The following NRG1 variants were observed in gnomAD, a reference collection of about 807,000 sequenced individuals.
NRG1 encodes neuregulin 1.
NRG1 carries 18 observed loss-of-function variants against 63.8 expected under a neutral mutation model. The observed-to-expected ratio is 0.28, with a 90% CI of 0.19 to 0.42. NRG1 has a LOEUF of 0.42. Ranked by LOEUF, NRG1 falls within the 10% of genes least tolerant of loss-of-function variation. The pLI is 1.00. For missense variants in NRG1, 762 were observed against 814.7 expected (o/e 0.94, Z 0.79); for synonymous variants, 302 against 301.3 (o/e 1.00, Z -0.02).
chr8:31,755,640 G>A (rs1413804929), intron 1 of NRG1, among the ~76,000 whole-genome samples: 1 of 152,058 alleles, frequency 6.6e-6, no homozygotes, highest in Non-Finnish European at 1.5e-5. Context: ...AGGGCTTTAT[G>A]TATGATTAAC....
At chr8:32,235,139 A>C (rs1847399273) in intron 1 of NRG1, among the ~76,000 whole-genome samples, 1 of 149,304 alleles carries the variant, frequency 6.7e-6, no homozygotes, top group Non-Finnish European at 1.5e-5. Flanking sequence ...CACACCTGTA[A>C]TCCCAGTGCT....
chr8:31,965,525 A>C (rs1806177269), intron 1 of NRG1, among the ~76,000 whole-genome samples: 1 of 152,080 alleles, frequency 6.6e-6, no homozygotes, highest in African/African-American at 2.4e-5. Context: ...ACCCAGCCAG[A>C]TGTCTTTTTT....
chr8:32,264,321 A>G (rs762915802), intron 1 of NRG1, among the ~76,000 whole-genome samples: 4 of 152,196 alleles, frequency 2.6e-5, no homozygotes, highest in Non-Finnish European at 5.9e-5. Flanking sequence ...AATATAACTA[A>G]TTGAATTCAT....
At position 31,939,720 on chromosome 8, in the gene NRG1, TA is replaced by T. The variant is rs1247448480; in HGVS notation, c.37+300295del. ...CTCACATCAACTTAAGATAAAGGGG[TA>T]AAAAAGATATTTTATGCAAATGGGC... is the stretch of plus-strand genomic sequence containing the variant. On this transcript the variant is annotated intron_variant, in intron 1 of 10. Coordinates refer to the NRG1 transcript ENST00000519301. Among the ~76,000 whole-genome samples the T allele has an allele frequency of 3.3e-5, 5 of 152,034 alleles. No individual in the cohort carries two copies. The East Asian group carries it at 9.7e-4, about 29-fold the overall frequency.
intron 1 of NRG1, among the ~76,000 whole-genome samples, chr8:32,526,844 C>T (rs1408662193): frequency 6.6e-6 from 1 of 152,142 alleles, no homozygotes; most frequent in Non-Finnish European, 1.5e-5. Context: ...CTCACAGGCT[C>T]CTTTGTTCAT....
At chr8:31,860,316 C>G (rs1019490954) in intron 1 of NRG1, among the ~76,000 whole-genome samples, 1 of 152,138 alleles carries the variant, frequency 6.6e-6, no homozygotes, top group Non-Finnish European at 1.5e-5. Context: ...CTATAATACT[C>G]ATAATGCTGA....
intron 1 of NRG1, among the ~76,000 whole-genome samples, chr8:32,125,440 CA>C (rs1833952188): frequency 6.6e-6 from 1 of 151,938 alleles, no homozygotes; most frequent in South Asian, 2.1e-4. Context: ...CTTTAGGAAT[CA>C]CTTCTGTAAT....
intron 1 of NRG1, among the ~76,000 whole-genome samples, chr8:32,549,188 G>A (rs879750012): frequency 6.6e-6 from 1 of 152,216 alleles, no homozygotes; most frequent in Non-Finnish European, 1.5e-5. Context: ...GCGTGCGCGC[G>A]TGCCCCGCGC....
At chr8:32,704,451 T>G (rs1385142639) in intron 5 of NRG1, among the ~76,000 whole-genome samples, 1 of 152,188 alleles carries the variant, frequency 6.6e-6, no homozygotes, top group Non-Finnish European at 1.5e-5. Context: ...TATAATGAAC[T>G]GGAAGATTAA....
In NRG1 at chr8:31,768,359, T is replaced by G. The variant is rs191906734; in HGVS notation, c.37+128928T>G. ...CAGTTTACACAACAGTTGAGAATAA[T>G]CTTGTTTACCAAGCTCTTTGGATAA... On this transcript the variant is annotated intron_variant, in intron 1 of 10. Transcript: ENST00000519301. Among the ~76,000 whole-genome samples the G allele has an allele frequency of 5.3e-4, 81 of 152,300 alleles. 1 individual carries two copies. In the East Asian group the frequency reaches 0.014, roughly 26 times the overall value.
intron 1 of NRG1, among the ~76,000 whole-genome samples, chr8:32,497,031 T>C (rs1206092302): frequency 2.0e-5 from 3 of 152,174 alleles, no homozygotes; most frequent in Admixed American, 6.5e-5. Flanking sequence ...ACTAAAAATA[T>C]AATACCTGTC....
Position 32,247,078 on chromosome 8 carries a change from CAATATCAT to C in NRG1, c.38-348747_38-348740del, listed in dbSNP as rs1312960182. 6.0e-5 allele frequency among the ~76,000 whole-genome samples: 9 copies of C among 149,534 alleles called. No individual in the cohort carries two copies. The East Asian group carries it at 1.8e-3, about 29-fold the overall frequency. ...TATCACTTTGTACCCCATATACTTA[CAATATCAT>C]AAATTGTCAATTTACAGTTTTTTTT... On this transcript the variant is annotated intron_variant, in intron 1 of 10. Coordinates refer to the NRG1 transcript ENST00000519301.
chr8:32,559,470 T>C (rs1336960786), intron 1 of NRG1, among the ~76,000 whole-genome samples: 2 of 152,088 alleles, frequency 1.3e-5, no homozygotes, highest in South Asian at 4.1e-4. Context: ...CTCTAGAAAA[T>C]AAGAAATGGG....
chr8:31,808,069 A>G (rs183978481), intron 1 of NRG1, among the ~76,000 whole-genome samples: 15 of 152,010 alleles, frequency 9.9e-5, no homozygotes, highest in Admixed American at 7.2e-4. Flanking sequence ...ATGGATTTTT[A>G]AGCGATAAAG....
intron 1 of NRG1, among the ~76,000 whole-genome samples, chr8:31,726,097 T>G (rs1312542074): frequency 6.6e-6 from 1 of 152,106 alleles, no homozygotes; most frequent in Non-Finnish European, 1.5e-5. Context: ...GTGCCTAACC[T>G]AAATTACTTT....
At chr8:32,480,490 CA>C (rs58182051) in intron 1 of NRG1, among the ~76,000 whole-genome samples, 6 of 149,084 alleles carry the variant, frequency 4.0e-5, no homozygotes, top group African/African-American at 1.5e-4. Context: ...AAAACAAAAA[CA>C]AAAAAAACAA....
upstream of NRG1, among the ~76,000 whole-genome samples, chr8:32,544,504 TTTATTTATTTA>T (rs1047373958): frequency 1.3e-5 from 2 of 149,564 alleles, no homozygotes; most frequent in African/African-American, 4.9e-5. Flanking sequence ...TATTTATTTA[TTTATTTATTTA>T]TTGTTATGAG....
At chr8:32,031,621 C>A (rs572857414) in intron 1 of NRG1, among the ~76,000 whole-genome samples, 19 of 152,264 alleles carry the variant, frequency 1.2e-4, no homozygotes, top group Admixed American at 1.0e-3. Flanking sequence ...CCTCTTGCCC[C>A]CCATGACAGG....
At chr8:31,704,157 G>A (rs889962417) in intron 1 of NRG1, among the ~76,000 whole-genome samples, 3 of 152,132 alleles carry the variant, frequency 2.0e-5, no homozygotes, top group African/African-American at 7.2e-5. Context: ...CTAGTCAGAT[G>A]GTCAGATGTG....
Sources: allele counts gnomAD v4.1 joint callset (sites outside exome capture counted in the v4.1 genomes callset), GRCh38; gene constraint gnomAD v4.1.1; transcripts MANE v1.5; gene names NCBI Gene and HGNC (gene_info 2026-07-23, HGNC 2026-07-21).